The following TSPAN31 variants were observed in gnomAD, a reference collection of about 807,000 sequenced individuals.
The protein encoded by TSPAN31 is tetraspanin-31.
TSPAN31 carries 16 observed loss-of-function variants against 24.8 expected under a neutral mutation model. The ratio of observed to expected loss-of-function variants is 0.64; its 90% CI spans 0.44 to 0.98. The LOEUF is 0.98. Among genes scored for constraint, TSPAN31 ranks in the 50% least tolerant of loss-of-function variants. The probability of loss-of-function intolerance (pLI) is 0.00; values close to 1 mark genes in which losing one functional copy is unlikely to be tolerated. For missense variants in TSPAN31, 209 were observed against 251.6 expected (o/e 0.83, Z 1.15); for synonymous variants, 87 against 91.4 (o/e 0.95, Z 0.27).
rs1283941524 is a variant in TSPAN31 at position 57,749,994 on chromosome 12, TA to T, written c.*2717del. ...CCTGGCGACAGAGCAAGACTCCATC[TA>T]AAAAAAAAAAAAGCCAGTCATGGTG... On this transcript the variant is annotated 3_prime_UTR_variant, in exon 6 of 6. Transcript: ENST00000257910. 0.023 allele frequency: 2,929 copies of T among 128,164 alleles called. No individual in the cohort carries two copies. The highest frequency in any genetic ancestry group is 0.067 in the South Asian group (326 of 4,844). 7.9% of individuals were successfully genotyped at this position (128,164 alleles called of 1,614,324 possible).
intron 1 of TSPAN31, 136 bp from the exon 2 acceptor site, chr12:57,745,609 T>C (rs1327720625): frequency 8.9e-7 from 1 of 1,120,908 alleles, no homozygotes; most frequent in Non-Finnish European, 1.3e-6. Context: ...CCGGTGCGGA[T>C]AGCACCATCC....
At chr12:57,746,077 A>G (rs1955145627) in intron 2 of TSPAN31, 99 bp from the exon 3 acceptor site, 3 of 1,436,574 alleles carry the variant, frequency 2.1e-6, no homozygotes, top group Non-Finnish European at 2.9e-6. Context: ...TTTCAATTTG[A>G]CATGGTGGTG....
In TSPAN31 at chr12:57,745,063, A is replaced by G. The variant is rs1314767090; in HGVS notation, c.-92A>G. On this transcript the variant is annotated 5_prime_UTR_variant, in exon 1 of 6. Transcript: ENST00000257910. Reference sequence around the variant, plus strand: ...TATTGGGTTTGGCTGGCCTCGATTTAAAGAGACAGAAGCTGTCGGGGTCCT... The same window carrying G: ...TATTGGGTTTGGCTGGCCTCGATTTGAAGAGACAGAAGCTGTCGGGGTCCT... 3 of 1,264,660 alleles carry G rather than the reference A, an allele frequency of 2.4e-6. No individual in the cohort carries two copies. Among genetic ancestry groups the G allele is most frequent in the African/African-American group, 3.0e-5 (2 of 67,334 alleles). 78.3% of individuals were successfully genotyped at this position (1,264,660 alleles called of 1,614,324 possible).
chr12:57,748,866 C>T lies in TSPAN31; in HGVS notation c.*1576C>T, dbSNP rs11613303. The stretch of plus-strand genomic sequence containing the variant: ...GATTACAGGCGTGTGCCACCACCCC[C>T]GGCTTATTTTTGTACTTTTAGTAGA... On this transcript the variant is annotated 3_prime_UTR_variant, in exon 6 of 6. Coordinates refer to ENST00000257910, the MANE Select transcript of TSPAN31 (RefSeq NM_005981.5). The T allele has an allele frequency of 8.9e-3, 4,876 of 548,172 alleles. 42 individuals are homozygous for T. Among genetic ancestry groups the T allele is most frequent in the Middle Eastern group, 0.02 (39 of 1,976 alleles). The allele number at this position is 548,172 out of a possible 1,614,324, so 34.0% of individuals were successfully genotyped here. A position where few individuals can be genotyped will look rare whatever the true frequency, so the allele number is the denominator to read the frequency against.
At position 57,749,248 on chromosome 12, in the gene TSPAN31, G is replaced by C. The variant is rs757333818; in HGVS notation, c.*1958G>C. The C allele has an allele frequency of 9.3e-6, 15 of 1,613,934 alleles. No individual in the cohort carries two copies. The highest frequency in any genetic ancestry group is 1.2e-5 in the Non-Finnish European group (14 of 1,179,914). ...CCGACTGCACTGGGCGGGGCCCTCTGGGGGGAAAGGCTCCACGGGGCAGGG... is the reference window on the plus strand; with the variant it reads ...CCGACTGCACTGGGCGGGGCCCTCTCGGGGGAAAGGCTCCACGGGGCAGGG... On this transcript the variant is annotated 3_prime_UTR_variant, in exon 6 of 6. Coordinates refer to ENST00000257910, the MANE Select transcript of TSPAN31 (RefSeq NM_005981.5).
Position 57,745,148 on chromosome 12 carries a change from T to G in TSPAN31, c.-7T>G, listed in dbSNP as rs773403581. 6.2e-7 allele frequency: 1 copy of G among 1,601,744 alleles called. No homozygotes were observed. The highest frequency in any genetic ancestry group is 1.1e-5 in the South Asian group (1 of 88,818). ...TTGGGACCACTTGGGTCCCCAGAGC[T>G]GGGGAGATGGTTTGTGGCGGCTTTG... On this transcript the variant is annotated 5_prime_UTR_variant, in exon 1 of 6. Transcript: ENST00000257910.
At chr12:57,745,938 C>T (rs767184981) in intron 2 of TSPAN31, 26 bp downstream of exon 2, 6 of 1,570,502 alleles carry the variant, frequency 3.8e-6, no homozygotes, top group Non-Finnish European at 4.3e-6. Flanking sequence ...GTGATGGGGG[C>T]AACCGGGGGC....
At chr12:57,746,839 A>C in intron 4 of TSPAN31, 119 bp downstream of exon 4, 1 of 1,467,166 alleles carries the variant, frequency 6.8e-7, no homozygotes, top group Non-Finnish European at 9.4e-7. Context: ...GCCCTCTTGT[A>C]TTGGGGCTGT....
At position 57,745,084 on chromosome 12, in the gene TSPAN31, G is replaced by A. The variant is rs1955130361; in HGVS notation, c.-71G>A. On this transcript the variant is annotated 5_prime_UTR_variant, in exon 1 of 6. Coordinates refer to ENST00000257910, the MANE Select transcript of TSPAN31 (RefSeq NM_005981.5). ...ATTTAAAGAGACAGAAGCTGTCGGG[G>A]TCCTGGAAGACGGTCCCCAATACCC... The A allele has an allele frequency of 1.4e-6, 2 of 1,425,366 alleles. No individual in the cohort carries two copies. Among genetic ancestry groups the A allele is most frequent in the African/African-American group, 1.4e-5 (1 of 70,632 alleles). 88.3% of individuals were successfully genotyped at this position (1,425,366 alleles called of 1,614,324 possible). A position where few individuals can be genotyped will look rare whatever the true frequency, so the allele number is the denominator to read the frequency against.
chr12:57,748,847 A>G lies in TSPAN31; in HGVS notation c.*1557A>G, dbSNP rs1234786567. 1.3e-5 allele frequency: 7 copies of G among 556,388 alleles called. No homozygotes were observed. In the East Asian group the frequency reaches 2.2e-4, roughly 17 times the overall value. The allele number at this position is 556,388 out of a possible 1,614,324, so 34.5% of individuals were successfully genotyped here. On this transcript the variant is annotated 3_prime_UTR_variant, in exon 6 of 6. Transcript: ENST00000257910. Reference sequence around the variant, plus strand: ...CAGCCTCCCAAGTAGCTGAGATTACAGGCGTGTGCCACCACCCCCGGCTTA... The same window carrying G: ...CAGCCTCCCAAGTAGCTGAGATTACGGGCGTGTGCCACCACCCCCGGCTTA...
chr12:57,748,403 ATC>A lies in TSPAN31; in HGVS notation c.*1117_*1118del. On this transcript the variant is annotated 3_prime_UTR_variant, in exon 6 of 6. Transcript: ENST00000257910. Reference sequence around the variant, plus strand: ...GGAATGTCATTAAGGCAGCAAAGTAATCTCTGTAGAAAGATGGAGGAGGACCC... The same window carrying A: ...GGAATGTCATTAAGGCAGCAAAGTAATCTGTAGAAAGATGGAGGAGGACCC... 1.3e-6 allele frequency: 1 copy of A among 786,564 alleles called. No homozygotes were observed. Among genetic ancestry groups the A allele is most frequent in the Non-Finnish European group, 2.3e-6 (1 of 434,786 alleles). The allele number at this position is 786,564 out of a possible 1,614,324, so 48.7% of individuals were successfully genotyped here. A position where few individuals can be genotyped will look rare whatever the true frequency, so the allele number is the denominator to read the frequency against.
Position 57,748,895 on chromosome 12 carries a change from G to A in TSPAN31, c.*1605G>A, listed in dbSNP as rs527997674. 5.3e-5 allele frequency: 29 copies of A among 543,928 alleles called. 1 individual carries two copies. In the Middle Eastern group the frequency reaches 3.6e-3, roughly 67 times the overall value. 33.7% of individuals were successfully genotyped at this position (543,928 alleles called of 1,614,324 possible). On this transcript the variant is annotated 3_prime_UTR_variant, in exon 6 of 6. Transcript: ENST00000257910. ...TTATTTTTGTACTTTTAGTAGAGAC[G>A]AGGTTTCACCATGTTGGCCAGGCTG...
Position 57,748,781 on chromosome 12 carries a change from C to T in TSPAN31, c.*1491C>T. On this transcript the variant is annotated 3_prime_UTR_variant, in exon 6 of 6. Transcript: ENST00000257910. ...AGTGCAATGGTATGATCTCAGCTCA[C>T]TGCAACCTCCGCCTCCTGAGTTGAA... 6.6e-6 allele frequency: 4 copies of T among 610,252 alleles called. No homozygotes were observed. The highest frequency in any genetic ancestry group is 1.8e-5 in the South Asian group (1 of 55,712). 37.8% of individuals were successfully genotyped at this position (610,252 alleles called of 1,614,324 possible).
chr12:57,746,894 G>GT, intron 4 of TSPAN31, 124 bp from the exon 5 acceptor site: 1 of 1,345,470 alleles, frequency 7.4e-7, no homozygotes, highest in Non-Finnish European at 1.0e-6. Context: ...AATTAGCCAA[G>GT]TAGGATTTTA....
intron 3 of TSPAN31, 127 bp from the exon 4 acceptor site, chr12:57,746,462 G>A (rs1187943075): frequency 3.9e-6 from 5 of 1,269,590 alleles, no homozygotes; most frequent in Admixed American, 3.4e-5. Context: ...GATATTTATC[G>A]TGTCTATAAT....
chr12:57,749,631 CT>C lies in TSPAN31; in HGVS notation c.*2342del. On this transcript the variant is annotated 3_prime_UTR_variant, in exon 6 of 6. Transcript: ENST00000257910. ...CCAACAATTCCAGCACTTTGGGATG[CT>C]GAGGTGAGAGGACTGCTTGAGCCCA... is the stretch of plus-strand genomic sequence containing the variant. 1 of 910,498 alleles carries C rather than the reference CT, an allele frequency of 1.1e-6. No individual in the cohort carries two copies. 56.4% of individuals were successfully genotyped at this position (910,498 alleles called of 1,614,324 possible).
intron 3 of TSPAN31, 78 bp downstream of exon 3, chr12:57,746,334 C>A: frequency 7.4e-7 from 1 of 1,356,576 alleles, no homozygotes; most frequent in Non-Finnish European, 1.1e-6. Flanking sequence ...CTTAGTCTGG[C>A]CCCAACTACC....
rs746504847 is a variant in TSPAN31 at position 57,746,419 on chromosome 12, C to T, written c.312+163C>T. On this transcript the variant is annotated intron_variant, in intron 3 of 5. Transcript: ENST00000257910. Reference sequence around the variant, plus strand: ...TCCTCTGGGATGTCTGGTTAATTTTCCATGAGGATGATCTAGAGAACCTCA... The same window carrying T: ...TCCTCTGGGATGTCTGGTTAATTTTTCATGAGGATGATCTAGAGAACCTCA... 6 of 1,142,412 alleles carry T rather than the reference C, an allele frequency of 5.3e-6. No homozygotes were observed. In the African/African-American group the frequency reaches 6.1e-5, roughly 12 times the overall value. 70.8% of individuals were successfully genotyped at this position (1,142,412 alleles called of 1,614,324 possible).
Position 57,747,465 on chromosome 12 carries a change from C to T in TSPAN31, c.*175C>T. 3.3e-6 allele frequency: 2 copies of T among 604,500 alleles called. No homozygotes were observed. The highest frequency in any genetic ancestry group is 2.8e-5 in the East Asian group (1 of 35,628). 37.4% of individuals were successfully genotyped at this position (604,500 alleles called of 1,614,324 possible). On this transcript the variant is annotated 3_prime_UTR_variant, in exon 6 of 6. Coordinates refer to ENST00000257910, the MANE Select transcript of TSPAN31 (RefSeq NM_005981.5). ...ATGCCTTGACATATTTTAGTGGGAG[C>T]CAGACTATAAGGAATAAAAGGAAAA...
Sources: allele counts gnomAD v4.1 joint callset, GRCh38; gene constraint gnomAD v4.1.1; transcripts MANE v1.5; gene names NCBI Gene and HGNC (gene_info 2026-07-23, HGNC 2026-07-21).